TENM3: variants seen among roughly 807,000 people sequenced by gnomAD.
The protein encoded by TENM3 is teneurin transmembrane protein 3.
TENM3 carries 63 observed loss-of-function variants against 255.1 expected under a neutral mutation model. The observed-to-expected ratio is 0.25, with a 90% CI of 0.20 to 0.30. The LOEUF is 0.30. TENM3 is among the 10% of genes least tolerant of loss of function. The probability of loss-of-function intolerance (pLI) is 1.00; values close to 1 mark genes in which losing one functional copy is unlikely to be tolerated. For synonymous variants in TENM3, 1,306 were observed against 1,322.3 expected (o/e 0.99, Z 0.27); for missense variants, 2,929 against 3,461.1 (o/e 0.85, Z 3.86).
At chr4:181,587,490 C>T in the TENM3 span, among the ~76,000 whole-genome samples, 35 of 152,202 alleles carry the variant, frequency 2.3e-4, no homozygotes, top group African/African-American at 8.4e-4. Context: ...CTTCATAGCA[C>T]TACCTTAGCG....
chr4:182,320,940 T>C (rs960235683), intron 1 of TENM3, among the ~76,000 whole-genome samples: 1 of 152,188 alleles, frequency 6.6e-6, no homozygotes, highest in Non-Finnish European at 1.5e-5. Flanking sequence ...AGTTTTAAAG[T>C]ACCAAAATGC....
the TENM3 span, among the ~76,000 whole-genome samples, chr4:181,632,504 G>A: frequency 2.6e-5 from 4 of 152,150 alleles, no homozygotes; most frequent in Non-Finnish European, 4.4e-5. Context: ...ACCAGTTTTC[G>A]ATATTCTGAT....
the TENM3 span, among the ~76,000 whole-genome samples, chr4:181,524,510 C>A: frequency 6.6e-6 from 1 of 152,160 alleles, no homozygotes; most frequent in Non-Finnish European, 1.5e-5. Flanking sequence ...CAGTTCCTAG[C>A]AGGTTTTATG....
At chr4:181,605,478 CAGAGAAAGAA>C in the TENM3 span, among the ~76,000 whole-genome samples, 8 of 72,874 alleles carry the variant, frequency 1.1e-4, no homozygotes, top group African/African-American at 4.0e-4. Flanking sequence ...GAGAGAGAAA[CAGAGAAAGAA>C]AGAAAGAAAG....
the TENM3 span, among the ~76,000 whole-genome samples, chr4:182,031,411 A>G: frequency 1.3e-5 from 2 of 152,092 alleles, no homozygotes; most frequent in African/African-American, 4.8e-5. Flanking sequence ...CCTTTGGTCT[A>G]TGTATCTGTT....
the TENM3 span, among the ~76,000 whole-genome samples, chr4:181,577,134 TATA>T: frequency 3.7e-5 from 5 of 134,908 alleles, no homozygotes; most frequent in Admixed American, 8.3e-5. Flanking sequence ...TGTGTAATAA[TATA>T]ATATATAATT....
intron 1 of TENM3, among the ~76,000 whole-genome samples, chr4:182,260,251 C>G (rs747501196): frequency 1.2e-4 from 18 of 152,112 alleles, no homozygotes; most frequent in Non-Finnish European, 2.5e-4. Context: ...TGGGTAGATA[C>G]CCAGTAGTGG....
At chr4:182,213,856 C>G (rs936508882) in intron 1 of TENM3, among the ~76,000 whole-genome samples, 1 of 152,084 alleles carries the variant, frequency 6.6e-6, no homozygotes, top group Non-Finnish European at 1.5e-5. Context: ...GGCTGGAGTG[C>G]AGTGGCGCGA....
the TENM3 span, among the ~76,000 whole-genome samples, chr4:181,548,133 A>G: frequency 6.6e-6 from 1 of 152,118 alleles, no homozygotes; most frequent in Non-Finnish European, 1.5e-5. Context: ...ACCAGTTAGA[A>G]CGGCGATCAT....
the TENM3 span, among the ~76,000 whole-genome samples, chr4:181,450,065 T>A: frequency 6.6e-6 from 1 of 152,188 alleles, no homozygotes; most frequent in African/African-American, 2.4e-5. Context: ...ATTTAAATGT[T>A]ATCTTTATTT....
the TENM3 span, among the ~76,000 whole-genome samples, chr4:181,566,216 C>T: frequency 6.6e-6 from 1 of 152,126 alleles, no homozygotes; most frequent in Non-Finnish European, 1.5e-5. Flanking sequence ...AGCAATATCT[C>T]CCTGAAATTG....
chr4:182,602,368 A>G (rs1402677791), intron 4 of TENM3, among the ~76,000 whole-genome samples: 1 of 152,228 alleles, frequency 6.6e-6, no homozygotes, highest in East Asian at 1.9e-4. Context: ...GGTTAACATT[A>G]GGATTTAAAT....
chr4:182,718,578 A>C (rs534226473), intron 13 of TENM3, among the ~76,000 whole-genome samples: 1 of 152,364 alleles, frequency 6.6e-6, no homozygotes, highest in African/African-American at 2.4e-5. Context: ...ATTCAGCTTT[A>C]GTACAGTCAG....
chr4:182,740,509 GA>G (rs577507812), intron 18 of TENM3, among the ~76,000 whole-genome samples: 168 of 152,242 alleles, frequency 1.1e-3, no homozygotes, highest in African/African-American at 3.9e-3. Flanking sequence ...TATTCCTTCA[GA>G]AACCCTCTAA....
At chr4:182,088,833 C>G in the TENM3 span, among the ~76,000 whole-genome samples, 1 of 135,452 alleles carries the variant, frequency 7.4e-6, no homozygotes, top group Non-Finnish European at 1.6e-5. Flanking sequence ...GACTCCATCT[C>G]TAAAGAAAAA....
intron 1 of TENM3, among the ~76,000 whole-genome samples, chr4:182,198,632 A>G (rs890268388): frequency 6.6e-5 from 10 of 152,222 alleles, no homozygotes; most frequent in Non-Finnish European, 1.5e-4. Flanking sequence ...TGACAGGAAA[A>G]GTCAGCGGCA....
At position 182,201,120 on chromosome 4, in the gene TENM3, C is replaced by T. The variant is rs549883598; in HGVS notation, c.-76+56366C>T. Among the ~76,000 whole-genome samples, 35 of 152,222 alleles carry T rather than the reference C, an allele frequency of 2.3e-4. No individual in the cohort carries two copies. The South Asian group carries it at 7.3e-3, about 32-fold the overall frequency. ...GATTATAGGTGTGAGCCACCACGCC[C>T]AGCCTAGAGTTCCTTTTTTAATTAA... is the stretch of plus-strand genomic sequence containing the variant. On this transcript the variant is annotated intron_variant, in intron 1 of 2. Coordinates refer to the TENM3 transcript ENST00000512480.
chr4:181,563,169 A>C, the TENM3 span, among the ~76,000 whole-genome samples: 1 of 152,210 alleles, frequency 6.6e-6, no homozygotes, highest in Admixed American at 6.5e-5. Flanking sequence ...TTTGGGGAGT[A>C]GAAGTCTGAG....
chr4:181,697,853 G>A, the TENM3 span, among the ~76,000 whole-genome samples: 1 of 152,138 alleles, frequency 6.6e-6, no homozygotes, highest in Non-Finnish European at 1.5e-5. Context: ...CCTACTCTGT[G>A]CAAACCACCG....
Sources: gnomAD v4.1 joint callset for allele counts (sites outside exome capture counted in the v4.1 genomes callset) on GRCh38, gnomAD v4.1.1 for gene constraint, MANE v1.5 for transcripts, NCBI Gene and HGNC (gene_info 2026-07-23, HGNC 2026-07-21) for gene names.